CFAP107: variants seen among roughly 807,000 people sequenced by gnomAD.
The protein encoded by CFAP107 is cilia- and flagella-associated protein 107.
chr1:12,753,349 T>A, the CFAP107 span: 1 of 152,004 alleles, frequency 6.6e-6, no homozygotes, highest in Non-Finnish European at 1.5e-5. Context: ...AGGTTTTTTT[T>A]TTTTGCAGAC....
At chr1:12,755,724 C>T in the CFAP107 span, 2 of 1,613,584 alleles carry the variant, frequency 1.2e-6, no homozygotes, top group Non-Finnish European at 1.7e-6. Flanking sequence ...TGACAAGACA[C>T]CCCAATCCAT....
At chr1:12,760,761 C>A in the CFAP107 span, 3 of 1,611,768 alleles carry the variant, frequency 1.9e-6, no homozygotes, top group Non-Finnish European at 2.5e-6. Context: ...ACCCTGGTTT[C>A]TCTTGCAGCT....
chr1:12,759,309 G>C, the CFAP107 span: 1 of 1,613,392 alleles, frequency 6.2e-7, no homozygotes, highest in African/African-American at 1.3e-5. Flanking sequence ...TGTCCTTCCA[G>C]GGGCTACCTT....
chr1:12,759,038 T>G, the CFAP107 span, among the ~76,000 whole-genome samples: 1 of 152,300 alleles, frequency 6.6e-6, no homozygotes, highest in East Asian at 1.9e-4. Context: ...TTAATTTTAA[T>G]GTGCCACCAT....
At chr1:12,749,222 C>G in the CFAP107 span, among the ~76,000 whole-genome samples, 1 of 152,168 alleles carries the variant, frequency 6.6e-6, no homozygotes, top group South Asian at 2.1e-4. Context: ...CATTGAAGCA[C>G]TTTATAATTA....
chr1:12,758,568 A>G, the CFAP107 span, among the ~76,000 whole-genome samples: 1 of 152,142 alleles, frequency 6.6e-6, no homozygotes, highest in African/African-American at 2.4e-5. Flanking sequence ...TTTCCAGACC[A>G]TAGCAGACAC....
At chr1:12,748,404 G>A in the CFAP107 span, among the ~76,000 whole-genome samples, 1 of 151,550 alleles carries the variant, frequency 6.6e-6, no homozygotes, top group African/African-American at 2.4e-5. Context: ...AGAAGCAGGG[G>A]TGAGACTTTT....
At chr1:12,754,891 A>G in the CFAP107 span, among the ~76,000 whole-genome samples, 1 of 152,194 alleles carries the variant, frequency 6.6e-6, no homozygotes, top group African/African-American at 2.4e-5. Context: ...ACGGTCACAG[A>G]GTTTCAGTTT....
the CFAP107 span, among the ~76,000 whole-genome samples, chr1:12,754,367 A>G: frequency 1.3e-5 from 2 of 152,236 alleles, no homozygotes; most frequent in Non-Finnish European, 2.9e-5. Flanking sequence ...AAAAACAGAA[A>G]ATATCAAGTG....
the CFAP107 span, among the ~76,000 whole-genome samples, chr1:12,748,208 C>G: frequency 6.6e-6 from 1 of 151,992 alleles, no homozygotes; most frequent in Admixed American, 6.6e-5. Context: ...AGGGATTGCT[C>G]TCTATTTCGT....
At chr1:12,746,375 C>T in the CFAP107 span, 1 of 1,443,794 alleles carries the variant, frequency 6.9e-7, no homozygotes, top group Non-Finnish European at 9.7e-7. Flanking sequence ...CCTTCCTCTC[C>T]CCGCCTGAAG....
At chr1:12,763,188 AAAC>A in the CFAP107 span, 5 of 152,068 alleles carry the variant, frequency 3.3e-5, no homozygotes, top group Admixed American at 6.6e-5. Context: ...TCCATCCCAA[AAAC>A]AACAACAACA....
the CFAP107 span, among the ~76,000 whole-genome samples, chr1:12,755,404 CA>C: frequency 5.4e-4 from 77 of 142,910 alleles, no homozygotes; most frequent in Non-Finnish European, 5.6e-4. Flanking sequence ...ACTCCATGTC[CA>C]AAAAAAAAAA....
At chr1:12,760,952 G>T in the CFAP107 span, 1 of 1,608,572 alleles carries the variant, frequency 6.2e-7, no homozygotes, top group Non-Finnish European at 8.5e-7. Context: ...ACACTTCTGA[G>T]AGCTGCCACC....
At chr1:12,757,371 T>C in the CFAP107 span, among the ~76,000 whole-genome samples, 2 of 145,688 alleles carry the variant, frequency 1.4e-5, no homozygotes, top group East Asian at 4.0e-4. Context: ...CTTTTTCTTT[T>C]TTTTCCTTTT....
the CFAP107 span, among the ~76,000 whole-genome samples, chr1:12,752,413 T>C: frequency 0.049 from 7,369 of 151,784 alleles, 571 homozygotes; most frequent in African/African-American, 0.17. Flanking sequence ...GATGAAACCT[T>C]GTCCCTACAA....
chr1:12,760,869 G>C, the CFAP107 span: 1 of 1,614,074 alleles, frequency 6.2e-7, no homozygotes, highest in Non-Finnish European at 8.5e-7. Context: ...TCCTACCCCA[G>C]ACCACCGTTG....
At chr1:12,751,961 G>C in the CFAP107 span, among the ~76,000 whole-genome samples, 1,103 of 152,222 alleles carry the variant, frequency 7.2e-3, 18 homozygotes, top group African/African-American at 0.025. Context: ...GATTGAATTA[G>C]TAACCAAAAA....
the CFAP107 span, chr1:12,755,782 T>C: frequency 6.2e-7 from 1 of 1,613,556 alleles, no homozygotes. Flanking sequence ...CCAGACCAGA[T>C]CTCCAGGTGG....
Sources: gnomAD v4.1 joint callset for allele counts (sites outside exome capture counted in the v4.1 genomes callset) on GRCh38, gnomAD v4.1.1 for gene constraint, MANE v1.5 for transcripts, NCBI Gene and HGNC (gene_info 2026-07-23, HGNC 2026-07-21) for gene names.